TMEM65: variants seen among roughly 807,000 people sequenced by gnomAD.
TMEM65 encodes the protein transmembrane protein 65.
A neutral mutation model predicts 25.4 loss-of-function variants in TMEM65; 22 were observed. The observed-to-expected ratio is 0.86, with a 90% CI of 0.62 to 1.23. TMEM65 has a LOEUF of 1.23. Ranked by LOEUF, TMEM65 falls within the 50% of genes most tolerant of loss-of-function variation. The pLI, the probability that TMEM65 is intolerant of heterozygous loss-of-function variation, is 0.00. For missense variants in TMEM65, 262 were observed against 308.2 expected (o/e 0.85, Z 1.12); for synonymous variants, 132 against 126.2 (o/e 1.05, Z -0.31).
intron 1 of TMEM65, among the ~76,000 whole-genome samples, chr8:124,341,181 T>C (rs1814579340): frequency 6.6e-6 from 1 of 151,996 alleles, no homozygotes; most frequent in Non-Finnish European, 1.5e-5. Flanking sequence ...CTATAAAGTA[T>C]GAGGCTGTTT....
chr8:124,369,799 A>G (rs1814988867), intron 1 of TMEM65, among the ~76,000 whole-genome samples: 1 of 152,208 alleles, frequency 6.6e-6, no homozygotes, highest in Admixed American at 6.5e-5. Context: ...GATACTGAAA[A>G]CAGTAAGTGA....
At chr8:124,319,217 G>A (rs186318738) in intron 6 of TMEM65, among the ~76,000 whole-genome samples, 220 of 152,162 alleles carry the variant, frequency 1.4e-3, no homozygotes, top group Non-Finnish European at 1.8e-3. Flanking sequence ...CCACTCAAAT[G>A]TCCTATTAGT....
intron 1 of TMEM65, among the ~76,000 whole-genome samples, chr8:124,334,607 T>C (rs943560713): frequency 6.6e-6 from 1 of 150,872 alleles, no homozygotes; most frequent in African/African-American, 2.4e-5. Flanking sequence ...GTACTAAAAA[T>C]ACAAAAATTA....
chr8:124,367,882 ACATTGATAGAAAAACTGCT>A (rs1814959820), intron 1 of TMEM65, among the ~76,000 whole-genome samples: 1 of 152,242 alleles, frequency 6.6e-6, no homozygotes. Context: ...TTGAGACCTA[ACATTGATAGAAAAACTGCT>A]CTGTTCACCT....
intron 3 of TMEM65, among the ~76,000 whole-genome samples, chr8:124,326,034 T>C (rs1814362046): frequency 6.6e-6 from 1 of 152,010 alleles, no homozygotes; most frequent in South Asian, 2.1e-4. Flanking sequence ...GTCATTCCAC[T>C]TTTTCAGTAG....
chr8:124,333,538 G>C (rs1351234083), intron 1 of TMEM65, among the ~76,000 whole-genome samples: 1 of 148,794 alleles, frequency 6.7e-6, no homozygotes, highest in African/African-American at 2.5e-5. Context: ...TCCTTTTCTG[G>C]ATATTTTAAA....
intron 1 of TMEM65, among the ~76,000 whole-genome samples, chr8:124,367,357 C>T (rs1235768799): frequency 1.3e-5 from 2 of 152,096 alleles, no homozygotes; most frequent in East Asian, 1.9e-4. Context: ...GTCTGTAATC[C>T]CAGCTTCTCA....
chr8:124,361,409 T>G (rs1814858589), intron 1 of TMEM65, among the ~76,000 whole-genome samples: 1 of 137,328 alleles, frequency 7.3e-6, no homozygotes, highest in Non-Finnish European at 1.5e-5. Context: ...CACTCCAGCC[T>G]AGGCAACAAG....
rs758079683 is a variant in TMEM65, at chr8:124,322,099, A to C, written c.515+6T>G. On this transcript the variant is annotated splice_donor_region_variant and intron_variant, in intron 5 of 6. Transcript: ENST00000297632. ...AATATACAAATGAATAAGTGAATGA[A>C]CCTACCCAAGTCCAGCTAGATCTGA... The C allele has an allele frequency of 6.2e-7, 1 of 1,605,888 alleles. No individual in the cohort carries two copies. Among genetic ancestry groups the C allele is most frequent in the African/African-American group, 1.3e-5 (1 of 74,740 alleles).
In TMEM65 at chr8:124,372,151, G is replaced by C; in HGVS notation, c.7C>G (p.Arg3Gly). Residue 3 changes from arginine (R) to glycine (G), a missense_variant, in exon 1 of 7, where the codon CGG becomes GGG. Arg to Gly is a moderately radical substitution (Grantham distance 125). Transcript: ENST00000297632. ...CGGCTCCTCAGCAGCGGCAGCAGCC[G>C]GGACATGGCGAGCTGAGGAGCTGGG... MS[R>G]LLPLLRSRTA... is the part of the protein sequence containing the mutation. The C allele has an allele frequency of 8.4e-7, 1 of 1,187,192 alleles. No homozygotes were observed. The highest frequency in any genetic ancestry group is 1.1e-6 in the Non-Finnish European group (1 of 952,310). The allele number at this position is 1,187,192 out of a possible 1,614,324, so 73.5% of individuals were successfully genotyped here. A position where few individuals can be genotyped will look rare whatever the true frequency, so the allele number is the denominator to read the frequency against.
At chr8:124,356,704 CTTTT>C (rs1225762365) in intron 1 of TMEM65, among the ~76,000 whole-genome samples, 2 of 151,982 alleles carry the variant, frequency 1.3e-5, no homozygotes, top group Non-Finnish European at 2.9e-5. Flanking sequence ...TCAGATCACT[CTTTT>C]TTTATTTTTA....
rs546824885 is a variant in TMEM65, at chr8:124,342,421, A to G, written c.305-11629T>C. Among the ~76,000 whole-genome samples, 14 of 152,294 alleles carry G rather than the reference A, an allele frequency of 9.2e-5. No homozygotes were observed. In the East Asian group the frequency reaches 2.7e-3, roughly 29 times the overall value. On this transcript the variant is annotated intron_variant, in intron 1 of 6. Transcript: ENST00000297632. ...AAAGCAGAACAAGAATTAATTAAATACTAAGGAAATGCCTTGGCAGATTTT... is the reference window on the plus strand; with the variant it reads ...AAAGCAGAACAAGAATTAATTAAATGCTAAGGAAATGCCTTGGCAGATTTT...
At chr8:124,314,113 G>A in intron 6 of TMEM65, 52 bp from the exon 7 acceptor site, 2 of 1,442,618 alleles carry the variant, frequency 1.4e-6, no homozygotes, top group Admixed American at 1.8e-5. Flanking sequence ...CTGATAACAA[G>A]AAGGCAGAGA....
At chr8:124,337,797 T>C (rs1586464039) in intron 1 of TMEM65, among the ~76,000 whole-genome samples, 2 of 152,030 alleles carry the variant, frequency 1.3e-5, no homozygotes, top group East Asian at 1.9e-4. Flanking sequence ...TCAAAACTGA[T>C]TGTTATAATA....
At chr8:124,355,173 T>G (rs896036824) in intron 1 of TMEM65, among the ~76,000 whole-genome samples, 1 of 152,188 alleles carries the variant, frequency 6.6e-6, no homozygotes. Context: ...CAAATGTGAT[T>G]GTTGCATAGC....
intron 1 of TMEM65, among the ~76,000 whole-genome samples, chr8:124,331,823 T>C (rs1276739850): frequency 6.6e-6 from 1 of 152,016 alleles, no homozygotes; most frequent in African/African-American, 2.4e-5. Context: ...AAATATTTAT[T>C]TATATTTTAT....
chr8:124,364,132 C>T (rs939964392), intron 1 of TMEM65, among the ~76,000 whole-genome samples: 1 of 152,008 alleles, frequency 6.6e-6, no homozygotes, highest in African/African-American at 2.4e-5. Context: ...AACAGTGATC[C>T]TTGAAATGTC....
chr8:124,352,531 AT>A (rs1814724883), intron 1 of TMEM65, among the ~76,000 whole-genome samples: 2 of 150,314 alleles, frequency 1.3e-5, no homozygotes, highest in East Asian at 1.9e-4. Flanking sequence ...ATAAAATAAA[AT>A]AAAATAAAAA....
chr8:124,340,689 T>A (rs1380454806), intron 1 of TMEM65, among the ~76,000 whole-genome samples: 1 of 152,136 alleles, frequency 6.6e-6, no homozygotes, highest in Non-Finnish European at 1.5e-5. Flanking sequence ...CAAGCATAAT[T>A]ATTAAAAACG....
Sources: allele counts gnomAD v4.1 joint callset (sites outside exome capture counted in the v4.1 genomes callset), GRCh38; gene constraint gnomAD v4.1.1; transcripts MANE v1.5; gene names NCBI Gene and HGNC (gene_info 2026-07-23, HGNC 2026-07-21).